PLAC9: variants seen among roughly 807,000 people sequenced by gnomAD.
PLAC9 encodes the protein placenta-specific protein 9.
PLAC9 carries 12 observed loss-of-function variants against 11.5 expected under a neutral mutation model. The observed-to-expected ratio is 1.05, with a 90% CI of 0.67 to 1.69. The LOEUF is 1.69. Among genes scored for constraint, PLAC9 ranks in the 40% most tolerant of loss-of-function variants. The pLI is 0.00. For synonymous variants in PLAC9, 62 were observed against 58.1 expected (o/e 1.07, Z -0.31); for missense variants, 132 against 130.5 (o/e 1.01, Z -0.06).
chr10:80,133,719 C>G (rs1298071176), intron 1 of PLAC9, among the ~76,000 whole-genome samples: 1 of 152,098 alleles, frequency 6.6e-6, no homozygotes, highest in Non-Finnish European at 1.5e-5. Flanking sequence ...CTCAGGCGGG[C>G]GGATCACAAG....
intron 3 of PLAC9, 136 bp from the exon 4 acceptor site, chr10:80,144,764 T>C: frequency 1.1e-6 from 1 of 894,860 alleles, no homozygotes; most frequent in South Asian, 1.8e-5. Flanking sequence ...CACTCTGCTC[T>C]CTCCTTGATC....
chr10:80,141,801 T>C (rs998601912), intron 1 of PLAC9, among the ~76,000 whole-genome samples: 4 of 152,058 alleles, frequency 2.6e-5, no homozygotes, highest in Non-Finnish European at 5.9e-5. Flanking sequence ...GACCTCTCCA[T>C]TGTTGCAGGT....
chr10:80,131,692 G>A (rs1308271340), upstream of PLAC9: 5 of 152,278 alleles, frequency 3.3e-5, no homozygotes, highest in South Asian at 4.2e-4. Context: ...GAATTTCTCC[G>A]TCTGAGGCTA....
At chr10:80,144,138 C>T (rs927473168) in intron 2 of PLAC9, 85 bp from the exon 3 acceptor site, 15 of 1,594,660 alleles carry the variant, frequency 9.4e-6, no homozygotes, top group Non-Finnish European at 1.2e-5. Flanking sequence ...CGCACTGGAC[C>T]GCCAGCTGCT....
At chr10:80,135,858 T>C (rs1018944660) in intron 1 of PLAC9, among the ~76,000 whole-genome samples, 6 of 152,242 alleles carry the variant, frequency 3.9e-5, no homozygotes, top group Admixed American at 3.3e-4. Flanking sequence ...TATTATTCTA[T>C]TATGTTGAAT....
In PLAC9 at chr10:80,132,771, C is replaced by G. The variant is rs773709830; in HGVS notation, c.9C>G (p.Pro3=). 1 of 1,488,906 alleles carries G rather than the reference C, an allele frequency of 6.7e-7. No homozygotes were observed. The highest frequency in any genetic ancestry group is 2.8e-5 in the East Asian group (1 of 35,202). The allele number at this position is 1,488,906 out of a possible 1,614,324, so 92.2% of individuals were successfully genotyped here. The change falls in exon 1 of 4, where the codon CCC becomes CCG. Residue 3 remains proline, a synonymous_variant. Transcript: ENST00000372263. ...TCGGCCAGGCCGGCACCATGCGGCC[C>G]CTGCTCTGCGCGCTGACCGGACTGG... MR[P]LLCALTGLAL... is the part of the protein sequence containing the mutation.
At chr10:80,135,791 C>T (rs1201644394) in intron 1 of PLAC9, among the ~76,000 whole-genome samples, 1 of 152,040 alleles carries the variant, frequency 6.6e-6, no homozygotes, top group Non-Finnish European at 1.5e-5. Context: ...GATCAAAACC[C>T]GTGGATGGTT....
intron 1 of PLAC9, among the ~76,000 whole-genome samples, chr10:80,135,321 C>CTTTTTT (rs139336508): frequency 4.5e-5 from 3 of 67,318 alleles, no homozygotes; most frequent in African/African-American, 7.1e-5. Context: ...TGCGCCCGGC[C>CTTTTTT]TTTTTTTTTT....
intron 1 of PLAC9, among the ~76,000 whole-genome samples, chr10:80,135,811 T>C (rs888633852): frequency 6.6e-6 from 1 of 152,176 alleles, no homozygotes; most frequent in African/African-American, 2.4e-5. Context: ...TTTGAGTGAA[T>C]CATACATTTT....
chr10:80,135,792 G>A (rs183367464), intron 1 of PLAC9, among the ~76,000 whole-genome samples: 3 of 152,236 alleles, frequency 2.0e-5, no homozygotes, highest in East Asian at 1.9e-4. Context: ...ATCAAAACCC[G>A]TGGATGGTTT....
intron 1 of PLAC9, among the ~76,000 whole-genome samples, chr10:80,139,526 G>C (rs116416146): frequency 6.6e-6 from 1 of 152,162 alleles, no homozygotes; most frequent in Non-Finnish European, 1.5e-5. Context: ...AGCACTGCTG[G>C]GGGAGGACTC....
At chr10:80,142,748 T>A (rs1235956833) in intron 2 of PLAC9, among the ~76,000 whole-genome samples, 1 of 152,188 alleles carries the variant, frequency 6.6e-6, no homozygotes, top group Non-Finnish European at 1.5e-5. Context: ...AGGCAGGGTC[T>A]CTGTCTGTCT....
chr10:80,143,275 C>T (rs1845062068), intron 2 of PLAC9, among the ~76,000 whole-genome samples: 1 of 151,094 alleles, frequency 6.6e-6, no homozygotes, highest in African/African-American at 2.4e-5. Context: ...CCATGTTGGC[C>T]AGGCTAGTCT....
At chr10:80,135,089 C>G (rs561336563) in intron 1 of PLAC9, among the ~76,000 whole-genome samples, 9 of 148,656 alleles carry the variant, frequency 6.1e-5, no homozygotes, top group African/African-American at 1.7e-4. Flanking sequence ...GTGCGATCTC[C>G]GCTCACTGCA....
intron 1 of PLAC9, 123 bp from the exon 2 acceptor site, chr10:80,141,959 C>G: frequency 1.7e-6 from 1 of 572,058 alleles, no homozygotes; most frequent in Non-Finnish European, 2.9e-6. Flanking sequence ...CCACCTGGGC[C>G]GTCCTCCGCT....
intron 1 of PLAC9, among the ~76,000 whole-genome samples, chr10:80,138,611 G>T (rs1036567173): frequency 6.6e-6 from 1 of 152,162 alleles, no homozygotes; most frequent in African/African-American, 2.4e-5. Context: ...CAGGGCAGGG[G>T]GTCCCCACCT....
At chr10:80,132,882 GC>G in intron 1 of PLAC9, 56 bp downstream of exon 1, 3 of 1,398,956 alleles carry the variant, frequency 2.1e-6, no homozygotes, top group Non-Finnish European at 2.8e-6. Flanking sequence ...CCCGCAGATG[GC>G]GAGGAAGGAA....
intron 1 of PLAC9, among the ~76,000 whole-genome samples, chr10:80,133,943 C>CAAA (rs61127711): frequency 0.48 from 51,606 of 106,864 alleles, 12,301 homozygotes; most frequent in Non-Finnish European, 0.58. Flanking sequence ...GACTCAGTTT[C>CAAA]AAAAAAAAAA....
intron 2 of PLAC9, 118 bp downstream of exon 2, chr10:80,142,297 T>C (rs1237774952): frequency 2.5e-6 from 2 of 785,010 alleles, no homozygotes; most frequent in Non-Finnish European, 3.9e-6. Context: ...TCCTGCCCTG[T>C]GGCCACCTCG....
Sources: gnomAD v4.1 joint callset for allele counts (sites outside exome capture counted in the v4.1 genomes callset) on GRCh38, gnomAD v4.1.1 for gene constraint, MANE v1.5 for transcripts, NCBI Gene and HGNC (gene_info 2026-07-23, HGNC 2026-07-21) for gene names.